The following TLN2 variants were observed in gnomAD, a reference collection of about 807,000 sequenced individuals.
The protein encoded by TLN2 is talin 2, also known as talin-2.
In TLN2, 118 loss-of-function variants were observed where a neutral mutation model predicts 294.7. That is an observed-to-expected ratio of 0.40 (90% CI 0.34 to 0.47). The LOEUF (loss-of-function observed/expected upper bound fraction) is 0.47. Ranked by LOEUF, TLN2 falls within the 20% of genes least tolerant of loss-of-function variation. The pLI is 0.84. For missense variants in TLN2, 3,083 were observed against 3,282.2 expected, an observed-to-expected ratio of 0.94 and a Z score of 1.48; for synonymous variants, 1,431 against 1,304.5, an observed-to-expected ratio of 1.10 and a Z score of -2.09.
At chr15:62,687,093 C>T (rs911026179) in intron 12 of TLN2, among the ~76,000 whole-genome samples, 6 of 152,296 alleles carry the variant, frequency 3.9e-5, no homozygotes, top group African/African-American at 1.4e-4. Flanking sequence ...TTCTGTGTTC[C>T]TGATGACATC....
intron 1 of TLN2, among the ~76,000 whole-genome samples, chr15:62,417,666 A>T (rs956654325): frequency 2.0e-5 from 3 of 152,198 alleles, no homozygotes; most frequent in Non-Finnish European, 4.4e-5. Flanking sequence ...AGGTTTGTGA[A>T]TTTAGAGCTA....
At chr15:62,504,496 C>T (rs2039476371) in intron 1 of TLN2, among the ~76,000 whole-genome samples, 1 of 152,056 alleles carries the variant, frequency 6.6e-6, no homozygotes, top group Non-Finnish European at 1.5e-5. Context: ...ATGGATGGAA[C>T]AGAATAGAGT....
intron 1 of TLN2, among the ~76,000 whole-genome samples, chr15:62,458,731 T>G (rs1395339721): frequency 6.6e-6 from 1 of 152,018 alleles, no homozygotes; most frequent in Non-Finnish European, 1.5e-5. Flanking sequence ...GTGGCACTGC[T>G]GCACTCCAAC....
At chr15:62,592,292 C>T (rs1348371277) in intron 2 of TLN2, among the ~76,000 whole-genome samples, 1 of 152,130 alleles carries the variant, frequency 6.6e-6, no homozygotes. Flanking sequence ...TTGGAATTGT[C>T]CCTTAGTGAT....
At chr15:62,474,484 A>C (rs1195843014) in intron 1 of TLN2, among the ~76,000 whole-genome samples, 3 of 152,010 alleles carry the variant, frequency 2.0e-5, no homozygotes, top group African/African-American at 7.2e-5. Flanking sequence ...AAATAAAATA[A>C]TAAAATAATT....
chr15:62,731,266 GT>G (rs1159333830), intron 28 of TLN2, among the ~76,000 whole-genome samples: 1 of 148,048 alleles, frequency 6.8e-6, no homozygotes, highest in Non-Finnish European at 1.5e-5. Context: ...CCTGTAGCCT[GT>G]TTTTATTGTC....
At chr15:62,415,060 C>T (rs1356043717) in intron 1 of TLN2, among the ~76,000 whole-genome samples, 3 of 140,728 alleles carry the variant, frequency 2.1e-5, no homozygotes, top group Non-Finnish European at 4.6e-5. Flanking sequence ...AGGCGTGCAC[C>T]ACCATGCCCT....
At chr15:62,393,282 C>A (rs1240674699) in intron 1 of TLN2, among the ~76,000 whole-genome samples, 1 of 152,210 alleles carries the variant, frequency 6.6e-6, no homozygotes, top group East Asian at 1.9e-4. Flanking sequence ...GCTTCTACCT[C>A]GAAAGAGAAA....
At chr15:62,720,447 T>C (rs527800112) in intron 25 of TLN2, among the ~76,000 whole-genome samples, 1 of 152,350 alleles carries the variant, frequency 6.6e-6, no homozygotes, top group Admixed American at 6.5e-5. Flanking sequence ...CAGCACTTTT[T>C]CTCGACTTGT....
chr15:62,836,930 A>T (rs7162883), intron 57 of TLN2, among the ~76,000 whole-genome samples: 1 of 152,100 alleles, frequency 6.6e-6, no homozygotes, highest in Admixed American at 6.5e-5. Context: ...TAACTTCTCT[A>T]TGCAAAGCTA....
Position 62,819,488 on chromosome 15 carries a change from A to C in TLN2, c.6772-28A>C, listed in dbSNP as rs377168798. On this transcript the variant is annotated intron_variant, in intron 52 of 58. Coordinates refer to ENST00000636159, the MANE Select transcript of TLN2 (RefSeq NM_015059.3). ...TGTCCCAGTGGTTACTATCCCCCTC[A>C]TGCCTCTGACTTGTTCTTCACCTGT... 1.1e-5 allele frequency: 18 copies of C among 1,585,140 alleles called. No individual in the cohort carries two copies. In the African/African-American group the frequency reaches 2.2e-4, roughly 19 times the overall value.
chr15:62,626,888 A>G (rs185998422), intron 3 of TLN2, among the ~76,000 whole-genome samples: 218 of 152,346 alleles, frequency 1.4e-3, no homozygotes, highest in Non-Finnish European at 2.5e-3. Flanking sequence ...GTGGACACAG[A>G]GGGAAGAAAC....
chr15:62,394,507 A>G (rs372822126), intron 1 of TLN2, among the ~76,000 whole-genome samples: 43 of 152,348 alleles, frequency 2.8e-4, no homozygotes, highest in African/African-American at 1.0e-3. Flanking sequence ...AGAACTTTTT[A>G]ATCGTATTAC....
At chr15:62,838,706 A>G (rs2070137446) in intron 57 of TLN2, 150 bp from the exon 58 acceptor site, 2 of 1,007,058 alleles carry the variant, frequency 2.0e-6, no homozygotes, top group East Asian at 5.6e-5. Flanking sequence ...GGATGGACAG[A>G]CAGATGGGTA....
At chr15:62,825,816 TAATA>T (rs2068076359) in intron 54 of TLN2, among the ~76,000 whole-genome samples, 3 of 20,742 alleles carry the variant, frequency 1.4e-4, no homozygotes, top group African/African-American at 2.7e-4. Context: ...TATTATATTA[TAATA>T]TATATTATAA....
chr15:62,592,841 G>C (rs1378027373), intron 2 of TLN2, among the ~76,000 whole-genome samples: 1 of 152,186 alleles, frequency 6.6e-6, no homozygotes, highest in African/African-American at 2.4e-5. Context: ...GTGTGCATGT[G>C]AGAAAAGGGT....
chr15:62,783,973 A>C, intron 45 of TLN2, 83 bp downstream of exon 45: 4 of 1,583,316 alleles, frequency 2.5e-6, no homozygotes, highest in Non-Finnish European at 3.4e-6. Flanking sequence ...GCTTAGCTCC[A>C]CTCTGGAAGA....
intron 1 of TLN2, among the ~76,000 whole-genome samples, chr15:62,561,208 T>C (rs2042929411): frequency 1.3e-5 from 2 of 152,050 alleles, no homozygotes; most frequent in South Asian, 4.1e-4. Flanking sequence ...AAACAAAAGC[T>C]TGGGTGGGGT....
In TLN2 at chr15:62,694,301, T is replaced by A; in HGVS notation, c.1216-15T>A. On this transcript the variant is annotated splice_polypyrimidine_tract_variant and intron_variant, in intron 13 of 58. Coordinates refer to ENST00000636159, the MANE Select transcript of TLN2 (RefSeq NM_015059.3). Reference sequence around the variant, plus strand: ...CTGGTTTTCATTTTTGCATCTTGTTTTATTGCATTTCCAGAAACAAAGTAA... The same window carrying A: ...CTGGTTTTCATTTTTGCATCTTGTTATATTGCATTTCCAGAAACAAAGTAA... 1 of 1,613,898 alleles carries A rather than the reference T, an allele frequency of 6.2e-7. No individual in the cohort carries two copies. The highest frequency in any genetic ancestry group is 1.1e-5 in the South Asian group (1 of 91,080).
Sources: gnomAD v4.1 joint callset for allele counts (sites outside exome capture counted in the v4.1 genomes callset) on GRCh38, gnomAD v4.1.1 for gene constraint, MANE v1.5 for transcripts, NCBI Gene and HGNC (gene_info 2026-07-23, HGNC 2026-07-21) for gene names.